CLEC18A: variants seen among roughly 807,000 people sequenced by gnomAD.
CLEC18A encodes the protein mannose receptor-like 1.
A neutral mutation model predicts 24.0 loss-of-function variants in CLEC18A; 5 were observed. The observed-to-expected ratio is 0.21, with a 90% CI of 0.11 to 0.44. The LOEUF is 0.44. CLEC18A is among the 20% of genes least tolerant of loss of function. The probability of loss-of-function intolerance (pLI) is 0.99; values close to 1 mark genes in which losing one functional copy is unlikely to be tolerated. For missense variants in CLEC18A, 83 were observed against 233.4 expected (o/e 0.36, Z 4.20); for synonymous variants, 29 against 100.1 (o/e 0.29, Z 4.24).
In CLEC18A at chr16:69,963,615, C is replaced by CT; in HGVS notation, c.*5dup. On this transcript the variant is annotated 3_prime_UTR_variant, in exon 12 of 12. Transcript: ENST00000288040. ...CCGGTGGGGCCCAGGGTCCTGAGGC[C>CT]TGACCACATGGCTCCCTCGCCTGCC... The CT allele has an allele frequency of 6.2e-7, 1 of 1,606,998 alleles. No individual in the cohort carries two copies. The highest frequency in any genetic ancestry group is 8.5e-7 in the Non-Finnish European group (1 of 1,177,602).
At position 69,954,458 on chromosome 16, in the gene CLEC18A, C is replaced by T. The variant is rs1340291007; in HGVS notation, c.341C>T (p.Pro114Leu). ...LQVGWNMQLLPAGLVSFVEVV... is the reference protein window; with the variant it reads ...LQVGWNMQLLLAGLVSFVEVV... ...GTGGGCTGGAACATGCAGCTGCTACCCGCGGGCTTGGTGTCCTTTGTCGAA... is the reference window on the plus strand; with the variant it reads ...GTGGGCTGGAACATGCAGCTGCTACTCGCGGGCTTGGTGTCCTTTGTCGAA... The change falls in exon 3 of 12, where the codon CCC becomes CTC. Residue 114 changes from proline to leucine, a missense_variant. Transcript: ENST00000288040. 6.3e-7 allele frequency: 1 copy of T among 1,595,356 alleles called. No homozygotes were observed. Among genetic ancestry groups the T allele is most frequent in the East Asian group, 2.2e-5 (1 of 44,792 alleles).
downstream of CLEC18A, among the ~76,000 whole-genome samples, chr16:69,965,406 T>TCCGGGG (rs1378531966): frequency 3.2e-3 from 484 of 150,908 alleles, 11 homozygotes; most frequent in African/African-American, 0.011. Context: ...CCGCCCCTTG[T>TCCGGGG]CCGGGGCCAC....
chr16:69,957,317 A>G (rs1017249661), intron 3 of CLEC18A, among the ~76,000 whole-genome samples: 10 of 140,384 alleles, frequency 7.1e-5, no homozygotes, highest in African/African-American at 2.5e-4. Flanking sequence ...GTGTGCCACC[A>G]TGCCTGGCTA....
chr16:69,953,948 G>A, intron 2 of CLEC18A: 1 of 347,520 alleles, frequency 2.9e-6, no homozygotes, highest in South Asian at 2.7e-5. Flanking sequence ...CATCACAGGA[G>A]GGCAGCATGG....
chr16:69,965,341 C>T (rs1210439116), downstream of CLEC18A, among the ~76,000 whole-genome samples: 1 of 152,032 alleles, frequency 6.6e-6, no homozygotes, highest in Non-Finnish European at 1.5e-5. Context: ...CTCTCCGGCT[C>T]GGTCTGGTTC....
chr16:69,955,259 T>A (rs1296395228), intron 3 of CLEC18A, among the ~76,000 whole-genome samples: 4 of 152,090 alleles, frequency 2.6e-5, no homozygotes, highest in Non-Finnish European at 5.9e-5. Flanking sequence ...TGCCTCAGCC[T>A]CCCAAAGTGC....
At chr16:69,954,935 A>G (rs563347029) in intron 3 of CLEC18A, among the ~76,000 whole-genome samples, 1,590 of 152,128 alleles carry the variant, frequency 0.01, 32 homozygotes, top group Admixed American at 0.017. Flanking sequence ...CCTGGCCTCA[A>G]GTGATCCACC....
At chr16:69,952,372 C>T in intron 2 of CLEC18A, 2 of 306,732 alleles carry the variant, frequency 6.5e-6, no homozygotes, top group Non-Finnish European at 1.1e-5. Flanking sequence ...AAGGGCAGGA[C>T]CTTGGGCCTT....
At chr16:69,955,494 G>C (rs924171138) in intron 3 of CLEC18A, among the ~76,000 whole-genome samples, 37 of 151,440 alleles carry the variant, frequency 2.4e-4, no homozygotes, top group African/African-American at 8.8e-4. Context: ...GGGACTACAG[G>C]CACGAGCCAC....
At chr16:69,955,940 T>G (rs1271697938) in intron 3 of CLEC18A, among the ~76,000 whole-genome samples, 1 of 152,066 alleles carries the variant, frequency 6.6e-6, no homozygotes, top group African/African-American at 2.4e-5. Flanking sequence ...GCAAGTGGGT[T>G]GTGCATGTTT....
At chr16:69,944,822 C>T in the CLEC18A span, among the ~76,000 whole-genome samples, 15 of 116,192 alleles carry the variant, frequency 1.3e-4, 1 homozygote, top group South Asian at 3.7e-3. Context: ...GGCGACAGAG[C>T]GATACTCCGT....
chr16:69,944,377 G>A, the CLEC18A span, among the ~76,000 whole-genome samples: 1 of 152,062 alleles, frequency 6.6e-6, no homozygotes, highest in Non-Finnish European at 1.5e-5. Context: ...TTTTGAAACT[G>A]AAGTGTAGCA....
chr16:69,965,426 G>T (rs1248052184), downstream of CLEC18A, among the ~76,000 whole-genome samples: 9 of 152,010 alleles, frequency 5.9e-5, no homozygotes, highest in Non-Finnish European at 5.9e-5. Flanking sequence ...CGGCCGCAGC[G>T]CCCGGAGGGG....
rs2058963360 is a variant in CLEC18A, at chr16:69,952,278, G to A, written c.216+152G>A. 4 of 491,860 alleles carry A rather than the reference G, an allele frequency of 8.1e-6. 1 individual carries two copies. Among genetic ancestry groups the A allele is most frequent in the South Asian group, 6.9e-5 (2 of 28,900 alleles). 30.5% of individuals were successfully genotyped at this position (491,860 alleles called of 1,614,324 possible). Reference sequence around the variant, plus strand: ...GCCACCTTGTCCCTGAGGGACGGAGGCCCTGGTTGCTGGGGGTCTCTGCAA... The same window carrying A: ...GCCACCTTGTCCCTGAGGGACGGAGACCCTGGTTGCTGGGGGTCTCTGCAA... On this transcript the variant is annotated intron_variant, in intron 2 of 11. Coordinates refer to ENST00000288040, the MANE Select transcript of CLEC18A (RefSeq NM_001370523.4).
At position 69,953,492 on chromosome 16, in the gene CLEC18A, G is replaced by C. The variant is rs1314470075; in HGVS notation, c.217-842G>C. 11 of 150,354 alleles carry C rather than the reference G, an allele frequency of 7.3e-5. No individual in the cohort carries two copies. In the Admixed American group the frequency reaches 7.3e-4, roughly 10 times the overall value. The allele number at this position is 150,354 out of a possible 1,614,324, so 9.3% of individuals were successfully genotyped here. A position where few individuals can be genotyped will look rare whatever the true frequency, so the allele number is the denominator to read the frequency against. Reference sequence around the variant, plus strand: ...CAGGGGACTGCACCAAGTCACCCAGGGGTGGTGATTGCCAGGCCCACTTGT... The same window carrying C: ...CAGGGGACTGCACCAAGTCACCCAGCGGTGGTGATTGCCAGGCCCACTTGT... On this transcript the variant is annotated intron_variant, in intron 2 of 11. Transcript: ENST00000288040.
chr16:69,966,476 G>A (rs879018553), downstream of CLEC18A, among the ~76,000 whole-genome samples: 5 of 141,060 alleles, frequency 3.5e-5, no homozygotes, highest in East Asian at 2.1e-4. Context: ...ACCTCTGGTC[G>A]TCCTCACTGC....
Position 69,954,469 on chromosome 16 carries a change from G to T in CLEC18A, c.352G>T (p.Val118Leu). 1 of 1,604,192 alleles carries T rather than the reference G, an allele frequency of 6.2e-7. No individual in the cohort carries two copies. Among genetic ancestry groups the T allele is most frequent in the Admixed American group, 1.7e-5 (1 of 59,080 alleles). Residue 118 changes from valine to leucine, a missense_variant, in exon 3 of 12, where the codon GTG (valine) becomes TTG (leucine). Transcript: ENST00000288040. ...CATGCAGCTGCTACCCGCGGGCTTG[G>T]TGTCCTTTGTCGAAGTGGTCAGCCT... is the stretch of plus-strand genomic sequence containing the variant. The part of the protein sequence containing the change: ...WNMQLLPAGL[V>L]SFVEVVSLWF...
At chr16:69,945,067 C>A in the CLEC18A span, among the ~76,000 whole-genome samples, 4 of 145,874 alleles carry the variant, frequency 2.7e-5, no homozygotes, top group Admixed American at 2.7e-4. Flanking sequence ...ACCTGAACCC[C>A]GGAGCCGTGA....
At chr16:69,955,828 C>T (rs1182326698) in intron 3 of CLEC18A, among the ~76,000 whole-genome samples, 3 of 151,400 alleles carry the variant, frequency 2.0e-5, no homozygotes, top group Non-Finnish European at 4.4e-5. Context: ...CTTCATTCAA[C>T]GAATATTTGT....
Sources: allele counts gnomAD v4.1 joint callset (sites outside exome capture counted in the v4.1 genomes callset), GRCh38; gene constraint gnomAD v4.1.1; transcripts MANE v1.5; gene names NCBI Gene and HGNC (gene_info 2026-07-23, HGNC 2026-07-21).